Variants in CHD7 observed in about 807,000 individuals in gnomAD.
The protein encoded by CHD7 is chromodomain helicase DNA binding protein 7, also known as ATP-dependent chromatin remodeler CHD7.
CHD7 carries 24 observed loss-of-function variants against 307.3 expected under a neutral mutation model. The observed-to-expected ratio is 0.08, with a 90% CI of 0.06 to 0.11. The LOEUF (loss-of-function observed/expected upper bound fraction) is 0.11. CHD7 is among the 10% of genes least tolerant of loss of function. CHD7 has a pLI of 1.00. For missense variants in CHD7, 3,106 were observed against 3,727.1 expected (o/e 0.83, Z 4.34); for synonymous variants, 1,363 against 1,349.9 (o/e 1.01, Z -0.21).
intron 1 of CHD7, among the ~76,000 whole-genome samples, chr8:60,720,548 C>T (rs925400407): frequency 1.3e-5 from 2 of 152,166 alleles, no homozygotes. Flanking sequence ...TTCCTTAAAG[C>T]CTGTCCTCTG....
intron 18 of CHD7, 94 bp downstream of exon 18, chr8:60,837,929 G>T: frequency 3.0e-6 from 4 of 1,322,338 alleles, no homozygotes; most frequent in Admixed American, 2.7e-5. Flanking sequence ...ATTATTTTTC[G>T]ACCTCAATAT....
At chr8:60,765,424 G>A (rs1465298206) in intron 2 of CHD7, among the ~76,000 whole-genome samples, 1 of 152,124 alleles carries the variant, frequency 6.6e-6, no homozygotes, top group Non-Finnish European at 1.5e-5. Context: ...CCTAATAATA[G>A]TCAGACAACA....
At chr8:60,754,003 A>T (rs932184827) in intron 2 of CHD7, among the ~76,000 whole-genome samples, 1 of 152,190 alleles carries the variant, frequency 6.6e-6, no homozygotes, top group African/African-American at 2.4e-5. Context: ...TTCATACTGA[A>T]TATAAATTTA....
At chr8:60,797,214 C>T (rs996376477) in intron 4 of CHD7, among the ~76,000 whole-genome samples, 20 of 152,076 alleles carry the variant, frequency 1.3e-4, no homozygotes, top group Non-Finnish European at 2.2e-4. Flanking sequence ...AACCTTGATA[C>T]TCAAAATAAA....
intron 2 of CHD7, among the ~76,000 whole-genome samples, chr8:60,761,052 C>T (rs1276664634): frequency 2.0e-5 from 3 of 152,018 alleles, no homozygotes; most frequent in Non-Finnish European, 4.4e-5. Flanking sequence ...CGTATGTTTA[C>T]TGCGGCATTA....
chr8:60,778,141 G>C (rs895589050), intron 2 of CHD7, among the ~76,000 whole-genome samples: 3 of 152,076 alleles, frequency 2.0e-5, no homozygotes, highest in Non-Finnish European at 4.4e-5. Context: ...GACTTTGTCA[G>C]GGTATTACTG....
intron 15 of CHD7, among the ~76,000 whole-genome samples, chr8:60,831,866 T>C (rs1804532912): frequency 6.6e-6 from 1 of 152,188 alleles, no homozygotes; most frequent in Non-Finnish European, 1.5e-5. Flanking sequence ...ATCTTTCCCC[T>C]TTTAATAACG....
rs71245513 is a variant in CHD7 at position 60,678,791 on chromosome 8, A to AGCG, written c.-447_-445dup. The stretch of plus-strand genomic sequence containing the variant: ...CGGCGGCGGCGGCGGCGGCGGCGGC[A>AGCG]GCGGCGGCGGCGGCGGCGGCGCGGG... On this transcript the variant is annotated 5_prime_UTR_variant, in exon 1 of 38. Transcript: ENST00000423902. 870 of 50,286 alleles carry AGCG rather than the reference A, an allele frequency of 0.017. 9 individuals carry two copies. Among genetic ancestry groups the AGCG allele is most frequent in the East Asian group, 0.044 (52 of 1,182 alleles). 3.1% of individuals were successfully genotyped at this position (50,286 alleles called of 1,614,324 possible). A position where few individuals can be genotyped will look rare whatever the true frequency, so the allele number is the denominator to read the frequency against.
rs375199214 is a variant in CHD7, at chr8:60,853,018, G to A, written c.6293G>A (p.Arg2098Gln). The change falls in exon 31 of 38, where the codon CGA becomes CAA. Residue 2098 changes from arginine (R) to glutamine (Q), a missense_variant. Coordinates refer to ENST00000423902, the MANE Select transcript of CHD7 (RefSeq NM_017780.4). ...PEWWECGRHD[R>Q]DLLVGAAKHG... The stretch of plus-strand genomic sequence containing the variant: ...TGGTGGGAGTGTGGACGGCATGACC[G>A]AGACTTGCTGGTTGGTGCTGCTAAA... The A allele has an allele frequency of 1.7e-5, 28 of 1,613,996 alleles. No individual in the cohort carries two copies. Among genetic ancestry groups the A allele is most frequent in the African/African-American group, 1.2e-4 (9 of 75,056 alleles).
intron 1 of CHD7, among the ~76,000 whole-genome samples, chr8:60,713,256 C>T (rs1456386606): frequency 2.6e-5 from 4 of 151,968 alleles, no homozygotes; most frequent in East Asian, 2.0e-4. Flanking sequence ...GGATTACAGG[C>T]GTGCGCCACC....
At chr8:60,823,390 TATATATAGATAGATAGATAG>T (rs1355582748) in intron 12 of CHD7, among the ~76,000 whole-genome samples, 7 of 109,936 alleles carry the variant, frequency 6.4e-5, no homozygotes, top group African/African-American at 2.9e-4. Flanking sequence ...ATGTTTTTGC[TATATATAGATAGATAGATAG>T]ATAGATAGAT....
intron 19 of CHD7, among the ~76,000 whole-genome samples, chr8:60,840,110 T>G (rs1412489117): frequency 2.6e-5 from 4 of 152,234 alleles, no homozygotes; most frequent in African/African-American, 9.6e-5. Flanking sequence ...TTTATAGTTT[T>G]TAACTCTTAC....
intron 22 of CHD7, 32 bp from the exon 23 acceptor site, chr8:60,845,218 G>A: frequency 1.9e-6 from 3 of 1,593,294 alleles, no homozygotes; most frequent in Non-Finnish European, 2.6e-6. Context: ...GAATGTAAAA[G>A]GCTTCTATTA....
chr8:60,757,436 A>C (rs1033332237), intron 2 of CHD7, among the ~76,000 whole-genome samples: 46 of 152,344 alleles, frequency 3.0e-4, no homozygotes, highest in Non-Finnish European at 1.3e-4. Context: ...CAGTTTGAAT[A>C]CATGCATTAA....
intron 9 of CHD7, among the ~76,000 whole-genome samples, chr8:60,820,897 A>G (rs1222249999): frequency 6.6e-6 from 1 of 152,130 alleles, no homozygotes; most frequent in African/African-American, 2.4e-5. Context: ...TTCATAGCAT[A>G]TTTACATTGT....
At chr8:60,680,079 C>T (rs1436658024) in intron 1 of CHD7, among the ~76,000 whole-genome samples, 2 of 151,476 alleles carry the variant, frequency 1.3e-5, no homozygotes, top group African/African-American at 2.4e-5. Context: ...CGACTTTAAC[C>T]TTCCAACGCA....
At chr8:60,714,810 C>G (rs918369473) in intron 1 of CHD7, among the ~76,000 whole-genome samples, 1 of 152,208 alleles carries the variant, frequency 6.6e-6, no homozygotes, top group Non-Finnish European at 1.5e-5. Context: ...AGCCCACAGC[C>G]CACTTGTAAT....
intron 32 of CHD7, 40 bp from the exon 33 acceptor site, chr8:60,855,935 G>T (rs1805679018): frequency 2.2e-6 from 3 of 1,350,754 alleles, no homozygotes; most frequent in African/African-American, 1.4e-5. Context: ...TTTAACCAGG[G>T]CTTTGTTAAA....
rs765797160 is a variant in CHD7 at position 60,852,031 on chromosome 8, A to G, written c.5678A>G (p.Glu1893Gly). Residue 1893 changes from glutamate (E) to glycine (G), a missense_variant, in exon 29 of 38, where the codon GAG (glutamate) becomes GGG (glycine). Physicochemically the swap from Glu to Gly is moderately conservative, Grantham distance 98. Transcript: ENST00000423902. ...TCCACTTCCCCAGGCAAGCACAGTGAGAGTAATGCTGAGTTAGGCCAACTT... is the reference window on the plus strand; with the variant it reads ...TCCACTTCCCCAGGCAAGCACAGTGGGAGTAATGCTGAGTTAGGCCAACTT... ...MEIHATGKHS[E>G]SNAELGQLYW... is the part of the protein sequence containing the mutation. 6.2e-7 allele frequency: 1 copy of G among 1,611,366 alleles called. No homozygotes were observed. Among genetic ancestry groups the G allele is most frequent in the Non-Finnish European group, 8.5e-7 (1 of 1,178,142 alleles).
Sources: gnomAD v4.1 joint callset for allele counts (sites outside exome capture counted in the v4.1 genomes callset) on GRCh38, gnomAD v4.1.1 for gene constraint, MANE v1.5 for transcripts, NCBI Gene and HGNC (gene_info 2026-07-23, HGNC 2026-07-21) for gene names.